RBFOX1: variants seen among roughly 807,000 people sequenced by gnomAD.
The protein encoded by RBFOX1 is RNA binding fox-1 homolog 1, also known as RNA binding protein fox-1 homolog 1.
Under a neutral mutation model 57.7 loss-of-function variants are expected in RBFOX1, and 8 were observed. That is an observed-to-expected ratio of 0.14 (90% CI 0.08 to 0.25). RBFOX1 has a LOEUF of 0.25. Among genes scored for constraint, RBFOX1 ranks in the 10% least tolerant of loss-of-function variants. RBFOX1 has a pLI of 1.00. For missense variants in RBFOX1, 611 were observed against 548.5 expected, an observed-to-expected ratio of 1.11 and a Z score of -1.14; for synonymous variants, 326 against 222.4, an observed-to-expected ratio of 1.47 and a Z score of -4.15.
At chr16:7,283,947 TC>T (rs1401121714) in intron 4 of RBFOX1, among the ~76,000 whole-genome samples, 1 of 152,204 alleles carries the variant, frequency 6.6e-6, no homozygotes, top group Non-Finnish European at 1.5e-5. Flanking sequence ...TTATAGTTAG[TC>T]CCCAGCTCTA....
intron 1 of RBFOX1, among the ~76,000 whole-genome samples, chr16:5,369,817 A>T (rs561114693): frequency 1.3e-5 from 2 of 152,320 alleles, no homozygotes; most frequent in South Asian, 2.1e-4. Context: ...CATTTAAAAT[A>T]ATGAAATATA....
intron 3 of RBFOX1, among the ~76,000 whole-genome samples, chr16:6,757,529 A>C (rs1278549595): frequency 6.6e-6 from 1 of 152,200 alleles, no homozygotes; most frequent in Admixed American, 6.5e-5. Flanking sequence ...CATTATGTTA[A>C]CTGAAATAAG....
intron 3 of RBFOX1, among the ~76,000 whole-genome samples, chr16:6,746,464 C>A (rs888914361): frequency 6.6e-6 from 1 of 151,994 alleles, no homozygotes; most frequent in East Asian, 1.9e-4. Flanking sequence ...ATCACTTGAG[C>A]CCAGGTGTTC....
At chr16:5,365,690 A>C (rs1388358314) in intron 1 of RBFOX1, 1 of 341,302 alleles carries the variant, frequency 2.9e-6, no homozygotes, top group Admixed American at 4.1e-5. Context: ...AAAAAAATAA[A>C]AAGAGCTTTC....
At position 7,323,496 on chromosome 16, in the gene RBFOX1, C is replaced by CA. The variant is rs569728324; in HGVS notation, c.28-194643dup. Among the ~76,000 whole-genome samples, 616 of 152,008 alleles carry CA rather than the reference C, an allele frequency of 4.1e-3. 5 individuals carry two copies. The highest frequency in any genetic ancestry group is 3.1e-3 in the Non-Finnish European group (214 of 67,944). On this transcript the variant is annotated intron_variant, in intron 4 of 15. Transcript: ENST00000550418. The stretch of plus-strand genomic sequence containing the variant: ...AGAGTATATTAATCCATATCGCATT[C>CA]AAAAAAAAGAAAGCCTTCTTATAGT...
intron 2 of RBFOX1, among the ~76,000 whole-genome samples, chr16:6,323,620 T>C (rs2082049830): frequency 6.6e-6 from 1 of 152,236 alleles, no homozygotes. Context: ...AGATCAGTCT[T>C]TGAAAGATTA....
At chr16:7,486,418 T>C (rs2065410631) in intron 4 of RBFOX1, among the ~76,000 whole-genome samples, 1 of 152,084 alleles carries the variant, frequency 6.6e-6, no homozygotes, top group African/African-American at 2.4e-5. Context: ...ATTATAGGTG[T>C]GAGCCATGGT....
At chr16:6,961,733 C>T (rs1437418309) in intron 3 of RBFOX1, among the ~76,000 whole-genome samples, 1 of 152,126 alleles carries the variant, frequency 6.6e-6, no homozygotes. Context: ...TATAGGGTAG[C>T]TTGTGATTGT....
chr16:5,246,171 G>A (rs1442576149), intron 1 of RBFOX1, among the ~76,000 whole-genome samples: 1 of 152,216 alleles, frequency 6.6e-6, no homozygotes, highest in African/African-American at 2.4e-5. Flanking sequence ...GAACCTGGGA[G>A]ACAGAGGTTG....
rs186350594 is a variant in RBFOX1, at chr16:7,167,935, G to T, written c.27+115837G>T. Among the ~76,000 whole-genome samples the T allele has an allele frequency of 2.1e-4, 32 of 152,294 alleles. 1 individual carries two copies. Among genetic ancestry groups the T allele is most frequent in the African/African-American group, 7.2e-4 (30 of 41,560 alleles). On this transcript the variant is annotated intron_variant, in intron 4 of 15. Coordinates refer to ENST00000550418, the MANE Select transcript of RBFOX1 (RefSeq NM_018723.4). The stretch of plus-strand genomic sequence containing the variant: ...ATGTGCTTGTCTGGGGATGCTGCGG[G>T]GTAGGGGATGTTTGTAGTGAGAGTC...
rs1401135014 is a variant in RBFOX1 at position 5,291,740 on chromosome 16, C to T, written c.219+51635C>T. ...TTGCAGTCAAACAGCTGGAGGTGAT[C>T]GTGGCTTGGTTTATGGTGGTGTCAG... is the stretch of plus-strand genomic sequence containing the variant. On this transcript the variant is annotated intron_variant, in intron 1 of 2. Coordinates refer to the RBFOX1 transcript ENST00000585867. 3.7e-5 allele frequency among the ~76,000 whole-genome samples: 5 copies of T among 133,970 alleles called. No individual in the cohort carries two copies. The South Asian group carries it at 7.7e-4, about 21-fold the overall frequency. 87.9% of individuals were successfully genotyped at this position (133,970 alleles called of 152,430 possible).
intron 4 of RBFOX1, among the ~76,000 whole-genome samples, chr16:7,321,761 G>C (rs1462169699): frequency 6.6e-6 from 1 of 152,226 alleles, no homozygotes; most frequent in Non-Finnish European, 1.5e-5. Flanking sequence ...GAAAGGAAAT[G>C]AGGTCACTCA....
At chr16:7,018,202 G>T (rs1008832845) in intron 3 of RBFOX1, among the ~76,000 whole-genome samples, 2 of 152,108 alleles carry the variant, frequency 1.3e-5, no homozygotes, top group African/African-American at 4.8e-5. Context: ...CTGCAAGTTA[G>T]TAACTACCTG....
chr16:7,142,574 C>T (rs952263001), intron 4 of RBFOX1, among the ~76,000 whole-genome samples: 1 of 152,134 alleles, frequency 6.6e-6, no homozygotes, highest in African/African-American at 2.4e-5. Context: ...GGCTGTGCCT[C>T]AATATTATTT....
intron 3 of RBFOX1, chr16:6,774,002 C>A: frequency 1.0e-6 from 1 of 985,276 alleles, no homozygotes; most frequent in African/African-American, 1.7e-5. Flanking sequence ...TAATTAGCTC[C>A]TCAGAGACCA....
intron 4 of RBFOX1, among the ~76,000 whole-genome samples, chr16:5,953,704 T>TTA (rs369586168): frequency 0.036 from 4,963 of 138,594 alleles, 109 homozygotes; most frequent in East Asian, 0.046. Flanking sequence ...GTCTTCTGTC[T>TTA]TATATATATA....
At chr16:7,272,130 C>G (rs1803916606) in intron 4 of RBFOX1, among the ~76,000 whole-genome samples, 1 of 152,190 alleles carries the variant, frequency 6.6e-6, no homozygotes. Context: ...AACTTGATTT[C>G]TAATGGTTAT....
At chr16:7,450,829 G>A (rs988818323) in intron 4 of RBFOX1, among the ~76,000 whole-genome samples, 1 of 152,158 alleles carries the variant, frequency 6.6e-6, no homozygotes, top group Admixed American at 6.5e-5. Flanking sequence ...CAGGGGTCTG[G>A]TGGGGTGGAT....
intron 1 of RBFOX1, among the ~76,000 whole-genome samples, chr16:6,132,977 A>C (rs2096640338): frequency 6.6e-6 from 1 of 151,456 alleles, no homozygotes; most frequent in Non-Finnish European, 1.5e-5. Flanking sequence ...AAAAAAAAAA[A>C]AGAAAAGAAA....
Sources: allele counts gnomAD v4.1 joint callset (sites outside exome capture counted in the v4.1 genomes callset), GRCh38; gene constraint gnomAD v4.1.1; transcripts MANE v1.5; gene names NCBI Gene and HGNC (gene_info 2026-07-23, HGNC 2026-07-21).